Variants in PCMT1 observed in about 807,000 individuals in gnomAD.
The protein encoded by PCMT1 is protein-L-isoaspartate(D-aspartate) O-methyltransferase.
In PCMT1, 9 loss-of-function variants were observed where a neutral mutation model predicts 29.2. The ratio of observed to expected loss-of-function variants is 0.31; its 90% CI spans 0.19 to 0.54. PCMT1 has a LOEUF of 0.54. Among genes scored for constraint, PCMT1 ranks in the 20% least tolerant of loss-of-function variants. The pLI is 0.95. For missense variants in PCMT1, 184 were observed against 282.2 expected, an observed-to-expected ratio of 0.65 and a Z score of 2.49; for synonymous variants, 98 against 97.5, an observed-to-expected ratio of 1.00 and a Z score of -0.03.
chr6:149,810,794 C>T lies in PCMT1; in HGVS notation c.*216C>T, dbSNP rs1776139312. The T allele has an allele frequency of 3.9e-6, 2 of 507,946 alleles. No individual in the cohort carries two copies. The highest frequency in any genetic ancestry group is 3.9e-5 in the African/African-American group (2 of 50,722). 31.5% of individuals were successfully genotyped at this position (507,946 alleles called of 1,614,324 possible). A position where few individuals can be genotyped will look rare whatever the true frequency, so the allele number is the denominator to read the frequency against. On this transcript the variant is annotated 3_prime_UTR_variant, in exon 8 of 8. Coordinates refer to ENST00000464889, the MANE Select transcript of PCMT1 (RefSeq NM_001360452.2). ...TAGGGTTTCTGATTCTTCAAAGAGG[C>T]ACAGAGCCAAATTGGTAGAGGAAGG...
intron 1 of PCMT1, among the ~76,000 whole-genome samples, chr6:149,751,627 G>A (rs1392536128): frequency 1.3e-5 from 2 of 151,452 alleles, no homozygotes; most frequent in Admixed American, 6.6e-5. Context: ...GACTACAGGC[G>A]CCTGCCAGCA....
At chr6:149,771,581 A>G (rs1302179001) in intron 2 of PCMT1, among the ~76,000 whole-genome samples, 2 of 152,224 alleles carry the variant, frequency 1.3e-5, no homozygotes, top group African/African-American at 4.8e-5. Flanking sequence ...CAGTGGCACA[A>G]TATCGGCTCA....
chr6:149,751,736 T>G (rs1160117925), intron 1 of PCMT1, among the ~76,000 whole-genome samples: 1 of 152,080 alleles, frequency 6.6e-6, no homozygotes, highest in Non-Finnish European at 1.5e-5. Flanking sequence ...CACCTCGGCC[T>G]CCCAAAGTGC....
At chr6:149,763,757 A>G (rs1007418391) in intron 1 of PCMT1, among the ~76,000 whole-genome samples, 4 of 152,192 alleles carry the variant, frequency 2.6e-5, no homozygotes, top group African/African-American at 9.6e-5. Context: ...TCAAAAATTG[A>G]TGAATAATTG....
At chr6:149,754,905 A>G (rs1264561348) in intron 1 of PCMT1, among the ~76,000 whole-genome samples, 1 of 152,188 alleles carries the variant, frequency 6.6e-6, no homozygotes, top group African/African-American at 2.4e-5. Context: ...TGCAAGAATA[A>G]TGGTGCTGGC....
At chr6:149,770,183 T>A (rs1787253480) in intron 1 of PCMT1, among the ~76,000 whole-genome samples, 1 of 152,180 alleles carries the variant, frequency 6.6e-6, no homozygotes, top group Admixed American at 6.5e-5. Flanking sequence ...TTTCCTGAGC[T>A]CCAGATCCAT....
At chr6:149,777,029 A>G (rs1417571922) in intron 3 of PCMT1, among the ~76,000 whole-genome samples, 5 of 152,214 alleles carry the variant, frequency 3.3e-5, no homozygotes, top group African/African-American at 4.8e-5. Flanking sequence ...TACAAAAAGC[A>G]ATGTCCACAA....
At chr6:149,796,574 C>T (rs1306506636) in intron 6 of PCMT1, 74 bp downstream of exon 6, 1 of 982,354 alleles carries the variant, frequency 1.0e-6, no homozygotes, top group Non-Finnish European at 1.6e-6. Flanking sequence ...GAAAAGACTT[C>T]TAGATGATGT....
At chr6:149,796,551 C>T in intron 6 of PCMT1, 51 bp downstream of exon 6, 1 of 1,255,498 alleles carries the variant, frequency 8.0e-7, no homozygotes, top group Non-Finnish European at 1.1e-6. Flanking sequence ...TAAAACTCTA[C>T]AAGACTTAAA....
intron 1 of PCMT1, among the ~76,000 whole-genome samples, chr6:149,763,003 TATATATCTATGATATATATG>T (rs1786888756): frequency 3.1e-5 from 2 of 64,408 alleles, no homozygotes; most frequent in Non-Finnish European, 4.4e-5. Context: ...ATATATGATA[TATATATCTATGATATATATG>T]ATATATCTAT....
rs1787308648 is a variant in PCMT1 at position 149,771,245 on chromosome 6, A to C, written c.139A>C (p.Met47Leu). The C allele has an allele frequency of 1.2e-6, 2 of 1,600,214 alleles. No individual in the cohort carries two copies. The highest frequency in any genetic ancestry group is 1.7e-6 in the Non-Finnish European group (2 of 1,167,822). ...RSHYAKCNPY[M>L]DSPQSIGFQA... ...CCACTATGCAAAATGTAACCCATAC[A>C]TGGATTCTCCACAATCAATAGGTAA... The change falls in exon 2 of 8, where the codon ATG (methionine) becomes CTG (leucine). Residue 47 changes from methionine (M) to leucine (L), a missense_variant. Physicochemically the swap from Met to Leu is conservative, Grantham distance 15 (BLOSUM62 2). Coordinates refer to ENST00000464889, the MANE Select transcript of PCMT1 (RefSeq NM_001360452.2).
chr6:149,796,220 A>T, intron 5 of PCMT1, 195 bp from the exon 6 acceptor site: 1 of 399,476 alleles, frequency 2.5e-6, no homozygotes, highest in Non-Finnish European at 4.5e-6. Context: ...ATAAAATTCC[A>T]TTGTTTTAAT....
chr6:149,803,391 C>T (rs752223697), intron 7 of PCMT1, among the ~76,000 whole-genome samples: 1 of 152,232 alleles, frequency 6.6e-6, no homozygotes, highest in Non-Finnish European at 1.5e-5. Flanking sequence ...CCAGGTCTCA[C>T]AAACCCACCC....
chr6:149,763,518 G>A (rs764877334), intron 1 of PCMT1, among the ~76,000 whole-genome samples: 19 of 151,946 alleles, frequency 1.3e-4, no homozygotes, highest in Non-Finnish European at 2.2e-4. Context: ...ATGGCTGATG[G>A]CATGCTATTA....
chr6:149,753,360 T>G (rs1360727640), intron 1 of PCMT1, among the ~76,000 whole-genome samples: 4 of 119,166 alleles, frequency 3.4e-5, no homozygotes, highest in Admixed American at 2.0e-4. Context: ...GAGACAGAGT[T>G]TCGCTCTTAT....
chr6:149,773,263 A>C, intron 3 of PCMT1, 94 bp downstream of exon 3: 1 of 994,488 alleles, frequency 1.0e-6, no homozygotes, highest in South Asian at 1.4e-5. Flanking sequence ...AGTTGTATCA[A>C]TTTATCATCT....
At chr6:149,775,488 T>C (rs1457955869) in intron 3 of PCMT1, among the ~76,000 whole-genome samples, 1 of 151,988 alleles carries the variant, frequency 6.6e-6, no homozygotes, top group Non-Finnish European at 1.5e-5. Flanking sequence ...GGAATATCGC[T>C]AGAAGCCAGG....
At chr6:149,757,781 G>T (rs9384258) in intron 1 of PCMT1, among the ~76,000 whole-genome samples, 1 of 152,178 alleles carries the variant, frequency 6.6e-6, no homozygotes, top group Non-Finnish European at 1.5e-5. Context: ...TTTGTCATCA[G>T]ATTTGAATGT....
intron 1 of PCMT1, among the ~76,000 whole-genome samples, chr6:149,751,901 G>A (rs1376026450): frequency 6.6e-6 from 1 of 151,492 alleles, no homozygotes; most frequent in Middle Eastern, 3.4e-3. Context: ...TTTAGACAGG[G>A]TTTCACTGTC....
Sources: allele counts gnomAD v4.1 joint callset (sites outside exome capture counted in the v4.1 genomes callset), GRCh38; gene constraint gnomAD v4.1.1; transcripts MANE v1.5; gene names NCBI Gene and HGNC (gene_info 2026-07-23, HGNC 2026-07-21).